Variants in RGS22 observed in about 807,000 individuals in gnomAD.
RGS22 encodes regulator of G-protein signaling 22.
RGS22 carries 148 observed loss-of-function variants against 172.9 expected under a neutral mutation model. The observed-to-expected ratio is 0.86, with a 90% CI of 0.75 to 0.98. RGS22 has a LOEUF of 0.98. Among genes scored for constraint, RGS22 ranks in the 50% least tolerant of loss-of-function variants. The pLI, the probability that RGS22 is intolerant of heterozygous loss-of-function variation, is 0.00. For synonymous variants in RGS22, 458 were observed against 480.2 expected (o/e 0.95, Z 0.60); for missense variants, 1,347 against 1,440.8 (o/e 0.93, Z 1.05).
chr8:100,073,137 T>C (rs1375898130), intron 4 of RGS22, among the ~76,000 whole-genome samples: 2 of 152,220 alleles, frequency 1.3e-5, no homozygotes, highest in Non-Finnish European at 2.9e-5. Flanking sequence ...ACACAAAACA[T>C]ATGTTACTAA....
At chr8:100,029,167 C>T (rs1183953628) in intron 14 of RGS22, among the ~76,000 whole-genome samples, 3 of 152,120 alleles carry the variant, frequency 2.0e-5, no homozygotes, top group Admixed American at 1.3e-4. Context: ...TTGCTAACAA[C>T]CATGTGAACA....
chr8:100,050,137 C>A (rs946182806), intron 10 of RGS22, among the ~76,000 whole-genome samples: 4 of 152,058 alleles, frequency 2.6e-5, no homozygotes, highest in Admixed American at 2.0e-4. Flanking sequence ...TGGGTGAAGC[C>A]CAGGAATCTC....
At position 100,051,710 on chromosome 8, in the gene RGS22, T is replaced by C. The variant is rs575161383; in HGVS notation, c.1689+1092A>G. Among the ~76,000 whole-genome samples the C allele has an allele frequency of 0.011, 334 of 29,554 alleles. 111 individuals carry two copies. The African/African-American group carries it at 0.12, about 10-fold the overall frequency. 19.4% of individuals were successfully genotyped at this position (29,554 alleles called of 152,430 possible). On this transcript the variant is annotated intron_variant, in intron 10 of 27. Transcript: ENST00000360863. ...ATATATATTTATATATACGTATATA[T>C]AAATATATATTTATATATACGTATA...
At chr8:100,043,706 G>A (rs1361400435) in intron 11 of RGS22, among the ~76,000 whole-genome samples, 1 of 152,044 alleles carries the variant, frequency 6.6e-6, no homozygotes, top group Non-Finnish European at 1.5e-5. Context: ...AACTCATGAG[G>A]TGGAGGCTGC....
At chr8:100,044,253 CGTTT>C (rs2131621705) in intron 11 of RGS22, among the ~76,000 whole-genome samples, 2 of 152,098 alleles carry the variant, frequency 1.3e-5, no homozygotes, top group South Asian at 4.1e-4. Context: ...TTTGTTTGTT[CGTTT>C]GTTTGTTTTT....
intron 10 of RGS22, among the ~76,000 whole-genome samples, chr8:100,050,608 C>A (rs1375225743): frequency 6.6e-6 from 1 of 152,130 alleles, no homozygotes; most frequent in Non-Finnish European, 1.5e-5. Flanking sequence ...ACAGGTGACA[C>A]CTTTAAGGGC....
intron 1 of RGS22, 31 bp downstream of exon 1, chr8:100,105,866 G>T: frequency 6.7e-7 from 1 of 1,502,296 alleles, no homozygotes; most frequent in Non-Finnish European, 8.9e-7. Context: ...GCCGCGGGCT[G>T]ATCCTCTGTC....
Position 100,080,124 on chromosome 8 carries a change from A to G in RGS22, c.339+10T>C, listed in dbSNP as rs780810996. On this transcript the variant is annotated intron_variant, in intron 4 of 27. Coordinates refer to ENST00000360863, the MANE Select transcript of RGS22 (RefSeq NM_015668.5). ...TCTATCTAACAAGATAAAACAGTAT[A>G]CTTTCTTACCATAATATTGTAGTTG... is the stretch of plus-strand genomic sequence containing the variant. 59 of 1,555,582 alleles carry G rather than the reference A, an allele frequency of 3.8e-5. No individual in the cohort carries two copies. Among genetic ancestry groups the G allele is most frequent in the South Asian group, 5.7e-5 (5 of 87,872 alleles).
chr8:100,077,545 C>T (rs1586222567), intron 4 of RGS22, among the ~76,000 whole-genome samples: 1 of 152,088 alleles, frequency 6.6e-6, no homozygotes, highest in East Asian at 1.9e-4. Context: ...GATTTTGTTA[C>T]CGATTTATAG....
intron 23 of RGS22, among the ~76,000 whole-genome samples, chr8:99,974,110 CTT>C (rs1207433484): frequency 6.6e-6 from 1 of 152,138 alleles, no homozygotes; most frequent in East Asian, 1.9e-4. Context: ...TAATTTGTAT[CTT>C]TTCTGATCTC....
chr8:100,083,482 C>G (rs1486826090), intron 3 of RGS22, among the ~76,000 whole-genome samples: 1 of 152,022 alleles, frequency 6.6e-6, no homozygotes, highest in Non-Finnish European at 1.5e-5. Flanking sequence ...ATTCTCTTGC[C>G]TCAGCCTCCT....
chr8:99,972,216 G>A (rs1307279822), intron 23 of RGS22, among the ~76,000 whole-genome samples: 1 of 152,058 alleles, frequency 6.6e-6, no homozygotes, highest in Non-Finnish European at 1.5e-5. Context: ...ACTGAAACTG[G>A]ACCCCTTCCT....
intron 10 of RGS22, among the ~76,000 whole-genome samples, chr8:100,050,179 G>A (rs1217779151): frequency 6.6e-6 from 1 of 152,106 alleles, no homozygotes; most frequent in African/African-American, 2.4e-5. Context: ...TGACTTTTCT[G>A]AATGCTATAA....
intron 10 of RGS22, among the ~76,000 whole-genome samples, chr8:100,051,814 T>TATATATATTTATATATAA (rs1491151791): frequency 4.9e-4 from 16 of 32,446 alleles, no homozygotes; most frequent in African/African-American, 1.7e-3. Context: ...TATAAATGTT[T>TATATATATTTATATATAA]ATATATATTT....
At chr8:99,983,077 A>AT (rs1330947790) in intron 21 of RGS22, among the ~76,000 whole-genome samples, 3 of 152,096 alleles carry the variant, frequency 2.0e-5, no homozygotes, top group African/African-American at 7.2e-5. Flanking sequence ...CTTTTCCTGC[A>AT]TTAATTCTCT....
At chr8:100,034,517 T>C (rs1453900161) in intron 14 of RGS22, among the ~76,000 whole-genome samples, 3 of 152,130 alleles carry the variant, frequency 2.0e-5, no homozygotes, top group Non-Finnish European at 4.4e-5. Context: ...GAAGAATCAA[T>C]ATTGTGAAAA....
intron 14 of RGS22, among the ~76,000 whole-genome samples, chr8:100,012,729 G>A (rs1816521641): frequency 6.6e-6 from 1 of 152,042 alleles, no homozygotes; most frequent in Admixed American, 6.6e-5. Flanking sequence ...TAAAAATGTA[G>A]GATTTGCTCC....
intron 14 of RGS22, among the ~76,000 whole-genome samples, chr8:100,010,986 G>A (rs1816318770): frequency 6.6e-6 from 1 of 151,566 alleles, no homozygotes; most frequent in Non-Finnish European, 1.5e-5. Context: ...AAGATAAGTT[G>A]GAGTCAATAA....
At chr8:100,002,837 A>T (rs1365071856) in intron 17 of RGS22, 1 of 156,116 alleles carries the variant, frequency 6.4e-6, no homozygotes. Flanking sequence ...AGGCAGGCAG[A>T]TCACTTTAGG....
Sources: allele counts gnomAD v4.1 joint callset (sites outside exome capture counted in the v4.1 genomes callset), GRCh38; gene constraint gnomAD v4.1.1; transcripts MANE v1.5; gene names NCBI Gene and HGNC (gene_info 2026-07-23, HGNC 2026-07-21).